DENND2B: variants seen among roughly 807,000 people sequenced by gnomAD.
DENND2B encodes DENN domain-containing protein 2B.
A neutral mutation model predicts 116.0 loss-of-function variants in DENND2B; 32 were observed. The observed-to-expected ratio is 0.28, with a 90% CI of 0.21 to 0.37. The LOEUF is 0.37. Ranked by LOEUF, DENND2B falls within the 10% of genes least tolerant of loss-of-function variation. The pLI, the probability that DENND2B is intolerant of heterozygous loss-of-function variation, is 1.00. For synonymous variants in DENND2B, 588 were observed against 583.9 expected (o/e 1.01, Z -0.10); for missense variants, 1,276 against 1,477.7 (o/e 0.86, Z 2.24).
chr11:8,769,063 G>A (rs1455789678), intron 1 of DENND2B, among the ~76,000 whole-genome samples: 10 of 152,098 alleles, frequency 6.6e-5, no homozygotes, highest in African/African-American at 2.4e-4. Flanking sequence ...GCCCCTCCTT[G>A]CTGCTCTTGG....
chr11:8,717,756 G>A lies in DENND2B; in HGVS notation c.1614C>T (p.Asn538=), dbSNP rs774259575. The part of the protein sequence containing the change: ...RMWSPQDRKY[N]SPPTQLSLKP... ...GCTGAGTTACCTGTGTGGGCGGGCT[G>A]TTGTACTTCCTGTCCTGAGGACTCC... The change falls in exon 5 of 20, where the codon AAC becomes AAT. Residue 538 remains asparagine, a synonymous_variant. Transcript: ENST00000313726. The A allele has an allele frequency of 3.8e-6, 6 of 1,574,090 alleles. No individual in the cohort carries two copies. The African/African-American group carries it at 8.2e-5, about 21-fold the overall frequency.
chr11:8,739,036 CA>C (rs1346302347), intron 2 of DENND2B, among the ~76,000 whole-genome samples: 9 of 152,200 alleles, frequency 5.9e-5, no homozygotes, highest in Non-Finnish European at 1.2e-4. Context: ...AAGGTGGTAA[CA>C]GTATCTTGTT....
chr11:8,879,687 A>G (rs2063881583), intron 2 of DENND2B, among the ~76,000 whole-genome samples: 1 of 152,078 alleles, frequency 6.6e-6, no homozygotes, highest in Non-Finnish European at 1.5e-5. Flanking sequence ...AAAAAAAATC[A>G]CCCGAGAAGC....
chr11:8,727,262 G>T (rs2047230678), intron 3 of DENND2B, among the ~76,000 whole-genome samples: 1 of 152,084 alleles, frequency 6.6e-6, no homozygotes, highest in African/African-American at 2.4e-5. Context: ...TTTTTCTCTT[G>T]TTTACTAACA....
intron 4 of DENND2B, among the ~76,000 whole-genome samples, chr11:8,719,895 G>T (rs1334410106): frequency 1.3e-5 from 2 of 152,196 alleles, no homozygotes; most frequent in Admixed American, 6.5e-5. Context: ...CCTATAGGAA[G>T]CCTTGTCCCA....
chr11:8,821,560 CAG>C (rs1264242263), intron 4 of DENND2B, among the ~76,000 whole-genome samples: 1 of 145,348 alleles, frequency 6.9e-6, no homozygotes, highest in Non-Finnish European at 1.5e-5. Flanking sequence ...GCCCAGGAGA[CAG>C]AGAGAGATCC....
intron 1 of DENND2B, among the ~76,000 whole-genome samples, chr11:8,784,880 G>C (rs963000085): frequency 6.6e-6 from 1 of 152,006 alleles, no homozygotes; most frequent in African/African-American, 2.4e-5. Context: ...AAAAAAGTGG[G>C]CTGGTAAGCC....
At chr11:8,823,612 T>C (rs1398703111) in intron 4 of DENND2B, among the ~76,000 whole-genome samples, 1 of 152,112 alleles carries the variant, frequency 6.6e-6, no homozygotes, top group Admixed American at 6.6e-5. Flanking sequence ...TTTTATAAGC[T>C]CCTGGCATTT....
intron 18 of DENND2B, among the ~76,000 whole-genome samples, chr11:8,696,166 G>A (rs1425186615): frequency 6.6e-6 from 1 of 152,154 alleles, no homozygotes; most frequent in Non-Finnish European, 1.5e-5. Flanking sequence ...TTGAGGAGGG[G>A]GTGGGCAACC....
At chr11:8,806,207 C>T (rs1459899563) in intron 1 of DENND2B, among the ~76,000 whole-genome samples, 1 of 152,182 alleles carries the variant, frequency 6.6e-6, no homozygotes, top group African/African-American at 2.4e-5. Context: ...CAGTTTATCT[C>T]ATTTTTTCCC....
chr11:8,792,198 C>G (rs1002040614), intron 1 of DENND2B, among the ~76,000 whole-genome samples: 1 of 152,146 alleles, frequency 6.6e-6, no homozygotes, highest in East Asian at 1.9e-4. Flanking sequence ...GAGTGAGACG[C>G]TATCTCACAC....
chr11:8,712,087 A>T lies in DENND2B; in HGVS notation c.2172+464T>A. On this transcript the variant is annotated intron_variant, in intron 9 of 19. Transcript: ENST00000313726. The surrounding 1 kb of genome is among the most constrained non-coding windows in gnomAD (Gnocchi z 4.4). Reference sequence around the variant, plus strand: ...AGGGGTTGAGTGTGAGAGGAAGAAGAGGGAGGCCAGGCTGGCTGGCGACAA... The same window carrying T: ...AGGGGTTGAGTGTGAGAGGAAGAAGTGGGAGGCCAGGCTGGCTGGCGACAA... 2.4e-6 allele frequency: 1 copy of T among 424,226 alleles called. No individual in the cohort carries two copies. The highest frequency in any genetic ancestry group is 1.6e-5 in the South Asian group (1 of 61,268). The allele number at this position is 424,226 out of a possible 1,614,324, so 26.3% of individuals were successfully genotyped here.
At chr11:8,798,310 C>T (rs1219050196) in intron 1 of DENND2B, among the ~76,000 whole-genome samples, 2 of 152,180 alleles carry the variant, frequency 1.3e-5, no homozygotes, top group African/African-American at 4.8e-5. Context: ...GTTTCCGAAG[C>T]AAGAGAGGCA....
At chr11:8,694,397 C>G (rs2039946183) in intron 19 of DENND2B, 1 of 498,204 alleles carries the variant, frequency 2.0e-6, no homozygotes, top group African/African-American at 1.9e-5. Flanking sequence ...ATTCTCTGAT[C>G]TGGCGGGCTG....
chr11:8,768,439 G>A (rs757086322), intron 1 of DENND2B, among the ~76,000 whole-genome samples: 1 of 151,960 alleles, frequency 6.6e-6, no homozygotes, highest in Non-Finnish European at 1.5e-5. Flanking sequence ...GTAGAGATAC[G>A]GGTTTTGCTA....
intron 1 of DENND2B, among the ~76,000 whole-genome samples, chr11:8,910,561 TGTGTGTGTGTGTGGA>T (rs1441154192): frequency 7.4e-5 from 11 of 149,142 alleles, no homozygotes; most frequent in South Asian, 4.3e-4. Flanking sequence ...CTCCTCCTAC[TGTGTGTGTGTGTGGA>T]CACGGGTTGT....
At chr11:8,827,856 T>C (rs2134569995) in intron 4 of DENND2B, among the ~76,000 whole-genome samples, 1 of 152,252 alleles carries the variant, frequency 6.6e-6, no homozygotes, top group East Asian at 1.9e-4. Flanking sequence ...TGGGAGAGAA[T>C]GGGATAGACT....
chr11:8,748,011 C>A (rs1411550508), intron 2 of DENND2B, among the ~76,000 whole-genome samples: 1 of 152,116 alleles, frequency 6.6e-6, no homozygotes, highest in Non-Finnish European at 1.5e-5. Flanking sequence ...TCTGCCCACC[C>A]CCGCCAGTTT....
intron 1 of DENND2B, chr11:8,808,608 T>C (rs2061091780): frequency 6.6e-6 from 1 of 152,214 alleles, no homozygotes; most frequent in African/African-American, 2.4e-5. Flanking sequence ...CTTTATAAAA[T>C]GAGAGAACCA....
Sources: gnomAD v4.1 joint callset for allele counts (sites outside exome capture counted in the v4.1 genomes callset) on GRCh38, gnomAD v4.1.1 for gene constraint, Gnocchi (gnomAD v3.1) non-coding constraint, MANE v1.5 for transcripts, NCBI Gene and HGNC (gene_info 2026-07-23, HGNC 2026-07-21) for gene names.